Variants in CPS1 observed in about 807,000 individuals in gnomAD.
CPS1 encodes carbamoyl-phosphate synthase [ammonia], mitochondrial.
CPS1 carries 109 observed loss-of-function variants against 174.6 expected under a neutral mutation model. That is an observed-to-expected ratio of 0.62 (90% CI 0.53 to 0.73). CPS1 has a LOEUF of 0.73. CPS1 is among the 30% of genes least tolerant of loss of function. CPS1 has a pLI of 0.00. For missense variants in CPS1, 1,689 were observed against 1,821.9 expected (o/e 0.93, Z 1.33); for synonymous variants, 637 against 632.0 (o/e 1.01, Z -0.12).
intron 20 of CPS1, among the ~76,000 whole-genome samples, chr2:210,613,055 A>G (rs1475362997): frequency 1.3e-5 from 2 of 151,892 alleles, no homozygotes; most frequent in Non-Finnish European, 2.9e-5. Context: ...TAATCCTCCA[A>G]CAGTATCAAA....
At chr2:210,595,181 C>T (rs1472508674) in intron 12 of CPS1, among the ~76,000 whole-genome samples, 1 of 151,626 alleles carries the variant, frequency 6.6e-6, no homozygotes, top group Non-Finnish European at 1.5e-5. Context: ...AAAAATACCA[C>T]ACATAGATAT....
intron 18 of CPS1, 114 bp from the exon 19 acceptor site, chr2:210,608,247 C>T (rs745676029): frequency 2.1e-6 from 2 of 932,124 alleles, no homozygotes; most frequent in South Asian, 1.4e-5. Flanking sequence ...AATCAAGTGT[C>T]TTATACCCTG....
At chr2:210,538,617 T>G (rs943825763) in intron 1 of CPS1, among the ~76,000 whole-genome samples, 1 of 152,118 alleles carries the variant, frequency 6.6e-6, no homozygotes, top group Middle Eastern at 3.2e-3. Context: ...ATCAGCCCTT[T>G]GACATCAGTG....
Position 210,658,701 on chromosome 2 carries a change from A to G in CPS1, c.3756+13A>G, listed in dbSNP as rs556114419. Reference sequence around the variant, plus strand: ...AAATGATGTCTTGGTAAGAAATGCCAAGGTGCCTGAGAGGACACCACCACT... The same window carrying G: ...AAATGATGTCTTGGTAAGAAATGCCGAGGTGCCTGAGAGGACACCACCACT... On this transcript the variant is annotated intron_variant, in intron 31 of 37. Transcript: ENST00000233072. 1 of 1,595,506 alleles carries G rather than the reference A, an allele frequency of 6.3e-7. No homozygotes were observed. The highest frequency in any genetic ancestry group is 2.2e-5 in the East Asian group (1 of 44,768).
At chr2:210,506,261 C>A (rs1007009512) in intron 1 of CPS1, among the ~76,000 whole-genome samples, 2 of 152,116 alleles carry the variant, frequency 1.3e-5, no homozygotes, top group African/African-American at 4.8e-5. Flanking sequence ...GCTTCTGATA[C>A]CCAGGCAAAC....
chr2:210,595,557 G>A lies in CPS1; in HGVS notation c.1334G>A (p.Gly445Glu). The change falls in exon 13 of 38, where the codon GGA (glycine) becomes GAA (glutamate). Residue 445 changes from glycine (G) to glutamate (E), a missense_variant. By Grantham distance (98) the Gly-to-Glu change is moderately conservative. Coordinates refer to ENST00000233072, the MANE Select transcript of CPS1 (RefSeq NM_001875.5). The part of the protein sequence containing the change: ...IGQAGEFDYS[G>E]SQAVKAMKEE... ...CAGGCTGGAGAATTTGATTACTCAG[G>A]ATCTCAAGCTGTAAAAGCCATGAAG... The A allele has an allele frequency of 6.2e-7, 1 of 1,611,112 alleles. No individual in the cohort carries two copies. The highest frequency in any genetic ancestry group is 2.2e-5 in the East Asian group (1 of 44,706).
At chr2:210,656,720 A>G in intron 30 of CPS1, 88 bp downstream of exon 30, 1 of 903,852 alleles carries the variant, frequency 1.1e-6, no homozygotes, top group Non-Finnish European at 1.8e-6. Context: ...AAAGCTAGGT[A>G]GCAATGTAAG....
chr2:210,478,225 C>T (rs927608452), intron 1 of CPS1, among the ~76,000 whole-genome samples: 1 of 152,194 alleles, frequency 6.6e-6, no homozygotes, highest in Non-Finnish European at 1.5e-5. Context: ...TTGTTCACTC[C>T]AAGAGTATTC....
At chr2:210,545,652 AC>A (rs1395823138) in intron 1 of CPS1, among the ~76,000 whole-genome samples, 1 of 152,052 alleles carries the variant, frequency 6.6e-6, no homozygotes, top group African/African-American at 2.4e-5. Context: ...ATTAGAAAGC[AC>A]TTGGTATTTT....
chr2:210,648,611 T>C, intron 27 of CPS1, 71 bp downstream of exon 27: 1 of 1,142,540 alleles, frequency 8.8e-7, no homozygotes, highest in Non-Finnish European at 1.3e-6. Flanking sequence ...TGCTGTATGC[T>C]AATAGCACTA....
Position 210,577,417 on chromosome 2 carries a change from C to G in CPS1, c.382-4C>G. The stretch of plus-strand genomic sequence containing the variant: ...CTCTTTAAAATGACTGTCTGTCTTT[C>G]TAGGTTTCAGGTTTGCTGGTGCTGG... On this transcript the variant is annotated splice_polypyrimidine_tract_variant and splice_region_variant and intron_variant, in intron 3 of 37. Transcript: ENST00000233072. 6.2e-6 allele frequency: 10 copies of G among 1,611,370 alleles called. No homozygotes were observed. The highest frequency in any genetic ancestry group is 8.5e-6 in the Non-Finnish European group (10 of 1,177,766).
intron 34 of CPS1, among the ~76,000 whole-genome samples, chr2:210,670,660 G>T (rs1701270454): frequency 6.6e-6 from 1 of 152,034 alleles, no homozygotes; most frequent in Non-Finnish European, 1.5e-5. Flanking sequence ...TGGGGGTTAG[G>T]GATAGTAAAT....
Position 210,663,107 on chromosome 2 carries a change from T to A in CPS1, c.3928-16T>A. The stretch of plus-strand genomic sequence containing the variant: ...CCTCACATAATTTTTCTCCCTGTTT[T>A]TTTTTTTTCCAACAGGCTCCCATGT... On this transcript the variant is annotated splice_polypyrimidine_tract_variant and intron_variant, in intron 32 of 37. Transcript: ENST00000233072. 1 of 1,612,774 alleles carries A rather than the reference T, an allele frequency of 6.2e-7. No individual in the cohort carries two copies. The highest frequency in any genetic ancestry group is 8.5e-7 in the Non-Finnish European group (1 of 1,179,046).
intron 17 of CPS1, among the ~76,000 whole-genome samples, chr2:210,606,279 A>G (rs1024598823): frequency 6.6e-6 from 1 of 151,876 alleles, no homozygotes; most frequent in East Asian, 2.0e-4. Context: ...GAGGCAGTGA[A>G]GATCTGAGCG....
At chr2:210,599,268 C>T in intron 13 of CPS1, 104 bp from the exon 14 acceptor site, 1 of 1,024,736 alleles carries the variant, frequency 9.8e-7, no homozygotes, top group Non-Finnish European at 1.5e-6. Context: ...CTACGGCCCA[C>T]AGATAACCTA....
intron 1 of CPS1, among the ~76,000 whole-genome samples, chr2:210,540,600 C>T (rs767480128): frequency 2.0e-5 from 3 of 152,130 alleles, no homozygotes; most frequent in Non-Finnish European, 2.9e-5. Context: ...AGATATTTTG[C>T]GTAACTTATT....
At chr2:210,529,765 G>A (rs1696071258) in intron 1 of CPS1, among the ~76,000 whole-genome samples, 1 of 151,900 alleles carries the variant, frequency 6.6e-6, no homozygotes, top group Non-Finnish European at 1.5e-5. Flanking sequence ...AGATGGATGA[G>A]GATGGATAAA....
At chr2:210,513,194 C>G (rs1695577808) in intron 1 of CPS1, among the ~76,000 whole-genome samples, 1 of 148,498 alleles carries the variant, frequency 6.7e-6, no homozygotes, top group African/African-American at 2.5e-5. Context: ...CTCTCTCTCT[C>G]CATAATGGGA....
chr2:210,637,093 G>A (rs895865945), intron 21 of CPS1, among the ~76,000 whole-genome samples: 2 of 152,114 alleles, frequency 1.3e-5, no homozygotes, highest in Admixed American at 6.6e-5. Context: ...TTGGAGAACC[G>A]GCCATGGATT....
Sources: allele counts gnomAD v4.1 joint callset (sites outside exome capture counted in the v4.1 genomes callset), GRCh38; gene constraint gnomAD v4.1.1; transcripts MANE v1.5; gene names NCBI Gene and HGNC (gene_info 2026-07-23, HGNC 2026-07-21).